Variants in KAZN observed in about 807,000 individuals in gnomAD.
KAZN encodes the protein kazrin.
Under a neutral mutation model 87.4 loss-of-function variants are expected in KAZN, and 40 were observed. The ratio of observed to expected loss-of-function variants is 0.46; its 90% CI spans 0.36 to 0.60. KAZN has a LOEUF of 0.60. Ranked by LOEUF, KAZN falls within the 20% of genes least tolerant of loss-of-function variation. The pLI, the probability that KAZN is intolerant of heterozygous loss-of-function variation, is 0.00. For synonymous variants in KAZN, 466 were observed against 458.3 expected, an observed-to-expected ratio of 1.02 and a Z score of -0.22; for missense variants, 898 against 1,073.9, an observed-to-expected ratio of 0.84 and a Z score of 2.29.
intron 2 of KAZN, among the ~76,000 whole-genome samples, chr1:14,333,851 C>T (rs1233751559): frequency 6.6e-6 from 1 of 152,064 alleles, no homozygotes; most frequent in Non-Finnish European, 1.5e-5. Context: ...CAGCAATGAG[C>T]AAAGTGGTCA....
chr1:14,185,534 A>T (rs926918900), intron 2 of KAZN, among the ~76,000 whole-genome samples: 2 of 152,170 alleles, frequency 1.3e-5, no homozygotes, highest in African/African-American at 4.8e-5. Flanking sequence ...CTTATTTTCC[A>T]TTCTTAGTTG....
At chr1:14,069,266 TC>T (rs1557448967) in intron 1 of KAZN, among the ~76,000 whole-genome samples, 2 of 152,150 alleles carry the variant, frequency 1.3e-5, no homozygotes, top group Non-Finnish European at 2.9e-5. Context: ...GGGCTGCTTG[TC>T]CCTTGGGCAT....
At chr1:13,903,275 C>A (rs1639314033) in intron 1 of KAZN, among the ~76,000 whole-genome samples, 1 of 152,228 alleles carries the variant, frequency 6.6e-6, no homozygotes, top group Non-Finnish European at 1.5e-5. Context: ...ACATTAGTTC[C>A]TTGACCAATT....
chr1:14,480,577 C>T (rs1461662404), intron 2 of KAZN, among the ~76,000 whole-genome samples: 3 of 145,430 alleles, frequency 2.1e-5, no homozygotes, highest in Admixed American at 7.0e-5. Flanking sequence ...AAACATAATA[C>T]ATAATATTCA....
At chr1:14,900,687 G>A (rs1292480471) in intron 1 of KAZN, among the ~76,000 whole-genome samples, 2 of 151,272 alleles carry the variant, frequency 1.3e-5, no homozygotes, top group African/African-American at 4.9e-5. Context: ...CCAGGAGGCA[G>A]AGGTTGCAGT....
intron 2 of KAZN, among the ~76,000 whole-genome samples, chr1:14,387,725 G>A (rs1463912284): frequency 1.3e-5 from 2 of 151,976 alleles, no homozygotes; most frequent in Non-Finnish European, 2.9e-5. Flanking sequence ...AAAGCTGTCA[G>A]ACAGGGACAT....
chr1:14,251,410 T>C (rs543157134), intron 2 of KAZN, among the ~76,000 whole-genome samples: 7 of 152,144 alleles, frequency 4.6e-5, no homozygotes, highest in Admixed American at 2.0e-4. Flanking sequence ...GGGTTATCTC[T>C]TCTTTGTTGT....
At chr1:14,238,166 TAAG>T (rs1648599524) in intron 2 of KAZN, among the ~76,000 whole-genome samples, 2 of 152,158 alleles carry the variant, frequency 1.3e-5, no homozygotes, top group Non-Finnish European at 2.9e-5. Flanking sequence ...ACCTGCCTTG[TAAG>T]GCCATTTTTG....
intron 1 of KAZN, among the ~76,000 whole-genome samples, chr1:13,896,057 T>A (rs1639031141): frequency 6.6e-6 from 1 of 152,216 alleles, no homozygotes; most frequent in Non-Finnish European, 1.5e-5. Context: ...AGTGGCATGA[T>A]CATAGCTCAC....
intron 1 of KAZN, among the ~76,000 whole-genome samples, chr1:14,959,889 C>T (rs1236735730): frequency 2.0e-5 from 3 of 152,152 alleles, no homozygotes; most frequent in East Asian, 1.9e-4. Context: ...CCTTCTGGGT[C>T]GCTTCCTGAG....
intron 1 of KAZN, among the ~76,000 whole-genome samples, chr1:14,931,975 C>T (rs1299374701): frequency 6.6e-6 from 1 of 152,140 alleles, no homozygotes; most frequent in East Asian, 1.9e-4. Flanking sequence ...CTTTCTCAGT[C>T]TTGTGAACTC....
At chr1:15,057,941 A>T (rs1236563568) in intron 5 of KAZN, among the ~76,000 whole-genome samples, 1 of 152,236 alleles carries the variant, frequency 6.6e-6, no homozygotes, top group Non-Finnish European at 1.5e-5. Context: ...AAGCTTGGAC[A>T]GGCTGGTGGA....
At chr1:14,231,160 T>A (rs952205402) in intron 2 of KAZN, among the ~76,000 whole-genome samples, 1 of 152,204 alleles carries the variant, frequency 6.6e-6, no homozygotes, top group Admixed American at 6.5e-5. Context: ...GTTTCTTATT[T>A]GGTTCTTATT....
rs116798229 is a variant in KAZN, at chr1:14,787,842, G to A, written c.227-172842G>A. On this transcript the variant is annotated intron_variant, in intron 1 of 14. Coordinates refer to ENST00000376030, the MANE Select transcript of KAZN (RefSeq NM_201628.3). Reference sequence around the variant, plus strand: ...AGGGAGGTGATGGTGAGGCCTGAACGGGGGTGGAGGCCGTGGGGAGAAAAC... The same window carrying A: ...AGGGAGGTGATGGTGAGGCCTGAACAGGGGTGGAGGCCGTGGGGAGAAAAC... 5.3e-3 allele frequency among the ~76,000 whole-genome samples: 812 copies of A among 152,278 alleles called. 9 individuals carry two copies. Among genetic ancestry groups the A allele is most frequent in the African/African-American group, 0.018 (760 of 41,554 alleles).
intron 2 of KAZN, among the ~76,000 whole-genome samples, chr1:14,560,511 G>A (rs1674181746): frequency 6.6e-6 from 1 of 152,178 alleles, no homozygotes; most frequent in African/African-American, 2.4e-5. Context: ...CCAGGAAGCA[G>A]AGGTTGCAGT....
intron 2 of KAZN, among the ~76,000 whole-genome samples, chr1:14,239,922 C>T (rs756817363): frequency 2.0e-5 from 3 of 152,102 alleles, no homozygotes; most frequent in African/African-American, 7.2e-5. Context: ...ATACAATGCC[C>T]AGGACAGCAG....
At position 14,360,672 on chromosome 1, in the gene KAZN, AT is replaced by A. The variant is rs574379006; in HGVS notation, c.249+180084del. Among the ~76,000 whole-genome samples, 224 of 137,292 alleles carry A rather than the reference AT, an allele frequency of 1.6e-3. 3 individuals carry two copies. The highest frequency in any genetic ancestry group is 0.015 in the Admixed American group (206 of 13,582). The allele number at this position is 137,292 out of a possible 152,430, so 90.1% of individuals were successfully genotyped here. A position where few individuals can be genotyped will look rare whatever the true frequency, so the allele number is the denominator to read the frequency against. On this transcript the variant is annotated intron_variant, in intron 2 of 16. Transcript: ENST00000636203. ...GGTGTTATGCTATTCCTGTTTGTTAATTTTCCTTCTAACTGTCAGGCCACTC... is the reference window on the plus strand; with the variant it reads ...GGTGTTATGCTATTCCTGTTTGTTAATTTCCTTCTAACTGTCAGGCCACTC...
At chr1:14,504,361 A>G (rs1670437044) in intron 2 of KAZN, among the ~76,000 whole-genome samples, 1 of 152,258 alleles carries the variant, frequency 6.6e-6, no homozygotes, top group Non-Finnish European at 1.5e-5. Context: ...ACAGGATGTT[A>G]GAAAAGATAC....
At chr1:14,377,808 G>A (rs777040063) in intron 2 of KAZN, among the ~76,000 whole-genome samples, 11 of 152,166 alleles carry the variant, frequency 7.2e-5, no homozygotes, top group Non-Finnish European at 1.6e-4. Context: ...TATTCATTCT[G>A]CCAGCTCATT....
Sources: gnomAD v4.1 joint callset for allele counts (sites outside exome capture counted in the v4.1 genomes callset) on GRCh38, gnomAD v4.1.1 for gene constraint, MANE v1.5 for transcripts, NCBI Gene and HGNC (gene_info 2026-07-23, HGNC 2026-07-21) for gene names.